Variants in ZNF236 observed in about 807,000 individuals in gnomAD.
The protein encoded by ZNF236 is zinc finger protein 236.
A neutral mutation model predicts 191.2 loss-of-function variants in ZNF236; 50 were observed. That is an observed-to-expected ratio of 0.26 (90% CI 0.21 to 0.33). The LOEUF (loss-of-function observed/expected upper bound fraction) is 0.33. Ranked by LOEUF, ZNF236 falls within the 10% of genes least tolerant of loss-of-function variation. The probability of loss-of-function intolerance (pLI) is 1.00; values close to 1 mark genes in which losing one functional copy is unlikely to be tolerated. For missense variants in ZNF236, 1,754 were observed against 2,374.5 expected (o/e 0.74, Z 5.43); for synonymous variants, 907 against 928.8 (o/e 0.98, Z 0.43).
chr18:76,925,548 G>C lies in ZNF236; in HGVS notation c.4021G>C (p.Val1341Leu). The change falls in exon 22 of 31, where the codon GTG (valine) becomes CTG (leucine). Residue 1341 changes from valine (V) to leucine (L), a missense_variant. Transcript: ENST00000320610. The surrounding 1 kb of genome is among the most constrained non-coding windows in gnomAD (Gnocchi z 5.7). The stretch of plus-strand genomic sequence containing the variant: ...GGGCCAAGCTATTCTCCCTGCCTCT[G>C]TGTCAGGTAAACGCTGAGCCGAGGG... ...LVGQAILPAS[V>L]SAGGDLTVSL... 1 of 1,612,296 alleles carries C rather than the reference G, an allele frequency of 6.2e-7. No homozygotes were observed. The highest frequency in any genetic ancestry group is 1.1e-5 in the South Asian group (1 of 91,078).
At chr18:76,954,944 G>A (rs1024606236) in intron 27 of ZNF236, among the ~76,000 whole-genome samples, 1 of 151,888 alleles carries the variant, frequency 6.6e-6, no homozygotes, top group African/African-American at 2.4e-5. Context: ...CTTTTTTGTT[G>A]TTTAAGTATT....
Position 76,970,106 on chromosome 18 carries a change from C to G in ZNF236, c.*1767C>G, listed in dbSNP as rs1357523825. Reference sequence around the variant, plus strand: ...TTTTAAAGGTTCTGCTTTTAATGCACTTTTTATTTTATAATTTTGTATTGA... The same window carrying G: ...TTTTAAAGGTTCTGCTTTTAATGCAGTTTTTATTTTATAATTTTGTATTGA... On this transcript the variant is annotated 3_prime_UTR_variant, in exon 31 of 31. Transcript: ENST00000320610. The G allele has an allele frequency of 6.6e-6, 1 of 152,390 alleles. No individual in the cohort carries two copies. The highest frequency in any genetic ancestry group is 2.4e-5 in the African/African-American group (1 of 41,370). The allele number at this position is 152,390 out of a possible 1,614,324, so 9.4% of individuals were successfully genotyped here.
intron 9 of ZNF236, chr18:76,886,564 C>T: frequency 5.3e-6 from 1 of 186,960 alleles, no homozygotes. Context: ...GCTGCTCCTG[C>T]AGCTTCTGTA....
At chr18:76,903,203 G>T (rs902163626) in intron 11 of ZNF236, among the ~76,000 whole-genome samples, 3 of 152,210 alleles carry the variant, frequency 2.0e-5, no homozygotes, top group African/African-American at 7.2e-5. Flanking sequence ...CTCCAGCTTT[G>T]TAATTGTTTC....
intron 3 of ZNF236, among the ~76,000 whole-genome samples, chr18:76,867,178 T>C (rs1186492741): frequency 1.3e-5 from 2 of 149,902 alleles, no homozygotes; most frequent in Non-Finnish European, 3.0e-5. Context: ...GGGGAATCAT[T>C]GGTAATGAAA....
At position 76,910,135 on chromosome 18, in the gene ZNF236, G is replaced by T. The variant is rs753514687; in HGVS notation, c.2619G>T (p.Ala873=). 2 of 1,613,216 alleles carry T rather than the reference G, an allele frequency of 1.2e-6. No individual in the cohort carries two copies. The highest frequency in any genetic ancestry group is 1.7e-6 in the Non-Finnish European group (2 of 1,179,354). Reference sequence around the variant, plus strand: ...ACCAGTTTGAAGAGCAGAGCCCTGCGCAACAGTCCTTCGAACCAGCAGGGC... The same window carrying T: ...ACCAGTTTGAAGAGCAGAGCCCTGCTCAACAGTCCTTCGAACCAGCAGGGC... The part of the protein sequence containing the change: ...HVDQFEEQSP[A]QQSFEPAGLP... Residue 873 remains alanine, a synonymous_variant, in exon 15 of 31, where the codon GCG becomes GCT. Transcript: ENST00000320610.
At chr18:76,942,673 G>A (rs958357493) in intron 26 of ZNF236, among the ~76,000 whole-genome samples, 4 of 150,590 alleles carry the variant, frequency 2.7e-5, no homozygotes, top group African/African-American at 7.3e-5. Flanking sequence ...CACCATGCCC[G>A]GCTACCTTTT....
At chr18:76,892,440 T>C (rs190863504) in intron 9 of ZNF236, among the ~76,000 whole-genome samples, 1 of 149,452 alleles carries the variant, frequency 6.7e-6, no homozygotes, top group African/African-American at 2.4e-5. Context: ...GAATGTTATA[T>C]TGAGATATGT....
intron 27 of ZNF236, among the ~76,000 whole-genome samples, chr18:76,955,158 A>G (rs770221825): frequency 6.6e-6 from 1 of 152,230 alleles, no homozygotes; most frequent in Non-Finnish European, 1.5e-5. Context: ...CTGTAATCCC[A>G]GCACTTGGGA....
At chr18:76,837,617 A>G (rs1395059154) in intron 1 of ZNF236, among the ~76,000 whole-genome samples, 1 of 150,342 alleles carries the variant, frequency 6.7e-6, no homozygotes, top group African/African-American at 2.4e-5. Context: ...ATTTTTTGTT[A>G]TTTTAGTAGA....
At chr18:76,965,387 A>G (rs1366651426) in intron 30 of ZNF236, among the ~76,000 whole-genome samples, 1 of 152,116 alleles carries the variant, frequency 6.6e-6, no homozygotes, top group African/African-American at 2.4e-5. Flanking sequence ...TTTTTCAGGT[A>G]AATCAGGGAC....
At chr18:76,907,705 T>C (rs912945261) in intron 13 of ZNF236, among the ~76,000 whole-genome samples, 1 of 152,010 alleles carries the variant, frequency 6.6e-6, no homozygotes, top group Non-Finnish European at 1.5e-5. Context: ...TCTTTTTTTT[T>C]TTTTTCAAGT....
chr18:76,864,254 C>T (rs1348992506), intron 3 of ZNF236, among the ~76,000 whole-genome samples: 1 of 148,224 alleles, frequency 6.7e-6, no homozygotes, highest in Non-Finnish European at 1.5e-5. Context: ...GGCTGGAGTG[C>T]AGTGGCACTG....
rs768300651 is a variant in ZNF236, at chr18:76,955,982, C to T, written c.4915-3C>T. ...GAAAGTCACAATTTCTGGCTCTTTC[C>T]AGGTAGCTGGCGTCTCTGGGAACCT... On this transcript the variant is annotated splice_polypyrimidine_tract_variant and splice_region_variant and intron_variant, in intron 27 of 30. Transcript: ENST00000320610. 3 of 1,606,706 alleles carry T rather than the reference C, an allele frequency of 1.9e-6. No homozygotes were observed. In the African/African-American group the frequency reaches 4.0e-5, roughly 21 times the overall value.
intron 7 of ZNF236, 86 bp downstream of exon 7, chr18:76,878,238 A>G (rs777932112): frequency 4.5e-6 from 6 of 1,325,128 alleles, no homozygotes; most frequent in Non-Finnish European, 6.0e-6. Context: ...ATTTAGTAGC[A>G]AAAAGGTGCT....
chr18:76,853,180 G>A (rs62113100), intron 3 of ZNF236, among the ~76,000 whole-genome samples: 61,663 of 151,754 alleles, frequency 0.41, 12,556 homozygotes, highest in East Asian at 0.53. Flanking sequence ...CTGGGTTCAA[G>A]AGATTCTCGT....
rs77626875 is a variant in ZNF236 at position 76,969,973 on chromosome 18, T to C, written c.*1634T>C. 26 of 152,790 alleles carry C rather than the reference T, an allele frequency of 1.7e-4. 1 individual carries two copies. The highest frequency in any genetic ancestry group is 6.0e-4 in the African/African-American group (25 of 41,588). 9.5% of individuals were successfully genotyped at this position (152,790 alleles called of 1,614,324 possible). A position where few individuals can be genotyped will look rare whatever the true frequency, so the allele number is the denominator to read the frequency against. ...AAAAAGAAAAGCCTTATTTGACTTATGCTTGTGATACTGGACTTCTTACCA... is the reference window on the plus strand; with the variant it reads ...AAAAAGAAAAGCCTTATTTGACTTACGCTTGTGATACTGGACTTCTTACCA... On this transcript the variant is annotated 3_prime_UTR_variant, in exon 31 of 31. Coordinates refer to ENST00000320610, the MANE Select transcript of ZNF236 (RefSeq NM_001306089.2).
chr18:76,942,889 C>T (rs1968165777), intron 26 of ZNF236, among the ~76,000 whole-genome samples: 4 of 147,488 alleles, frequency 2.7e-5, no homozygotes, highest in South Asian at 2.2e-4. Flanking sequence ...TTTGGGAGGC[C>T]GAGGCGGGCG....
At chr18:76,893,491 C>T (rs1370134319) in intron 9 of ZNF236, among the ~76,000 whole-genome samples, 1 of 151,978 alleles carries the variant, frequency 6.6e-6, no homozygotes, top group African/African-American at 2.4e-5. Flanking sequence ...ATTTTTCATT[C>T]TTTTTTTCTA....
Sources: gnomAD v4.1 joint callset for allele counts (sites outside exome capture counted in the v4.1 genomes callset) on GRCh38, gnomAD v4.1.1 for gene constraint, Gnocchi (gnomAD v3.1) non-coding constraint, MANE v1.5 for transcripts, NCBI Gene and HGNC (gene_info 2026-07-23, HGNC 2026-07-21) for gene names.